Variants in ATP8B1 observed in about 807,000 individuals in gnomAD.
ATP8B1 encodes ATPase phospholipid transporting 8B1.
A neutral mutation model predicts 149.9 loss-of-function variants in ATP8B1; 80 were observed. The observed-to-expected ratio is 0.53, with a 90% confidence interval of 0.45 to 0.64. ATP8B1 has a LOEUF of 0.64. Ranked by LOEUF, ATP8B1 falls within the 30% of genes least tolerant of loss-of-function variation. The pLI, the probability that ATP8B1 is intolerant of heterozygous loss-of-function variation, is 0.00. For missense variants in ATP8B1, 1,247 were observed against 1,552.6 expected, an observed-to-expected ratio of 0.80 and a Z score of 3.31; for synonymous variants, 536 against 562.8, an observed-to-expected ratio of 0.95 and a Z score of 0.67.
intron 1 of ATP8B1, among the ~76,000 whole-genome samples, chr18:57,763,891 G>A (rs538091201): frequency 4.6e-5 from 7 of 152,172 alleles, no homozygotes; most frequent in Middle Eastern, 3.4e-3. Flanking sequence ...GTTCCTGCAC[G>A]GGGCTTTCCT....
Position 57,662,579 on chromosome 18 carries a change from A to C in ATP8B1, c.2322T>G (p.Asn774Lys). The C allele has an allele frequency of 1.9e-6, 3 of 1,614,168 alleles. No individual in the cohort carries two copies. The highest frequency in any genetic ancestry group is 1.1e-5 in the South Asian group (1 of 91,080). Residue 774 changes from asparagine (N) to lysine (K), a missense_variant, in exon 21 of 28, where the codon AAT (asparagine) becomes AAG (lysine). Transcript: ENST00000648908. ...CAAACTTTGCGTAGACGCCACCTCT[A>C]TTCCTCTGGTTTTCCATCCTTGCAT... The part of the protein sequence containing the change: ...LLHARMENQR[N>K]RGGVYAKFAP...
At chr18:57,789,670 G>A (rs1368139938) in intron 1 of ATP8B1, among the ~76,000 whole-genome samples, 3 of 152,308 alleles carry the variant, frequency 2.0e-5, no homozygotes, top group Middle Eastern at 6.8e-3. Context: ...TTTGAGCCAT[G>A]TATGGTGGTC....
chr18:57,661,321 C>T lies in ATP8B1; in HGVS notation c.2560G>A (p.Val854Met). ...AKKEQRQKNF[V>M]DLACECSAVI... ...GCGCTGCACTCGCAGGCCAGGTCCA[C>T]AAAGTTTTTCTGCCGCTGCTCTTTC... is the stretch of plus-strand genomic sequence containing the variant. The change falls in exon 22 of 28, where the codon GTG becomes ATG. Residue 854 changes from valine to methionine, a missense_variant. By Grantham distance (21) the Val-to-Met change is conservative. This residue lies in a region of ATP8B1 where 853 missense variants were observed against 1,035.7 expected (regional missense o/e 0.82). Transcript: ENST00000648908. The T allele has an allele frequency of 1.9e-6, 3 of 1,614,038 alleles. No individual in the cohort carries two copies. Among genetic ancestry groups the T allele is most frequent in the Middle Eastern group, 1.6e-4 (1 of 6,062 alleles).
At chr18:57,785,964 A>G (rs538570012) in intron 1 of ATP8B1, among the ~76,000 whole-genome samples, 1 of 152,324 alleles carries the variant, frequency 6.6e-6, no homozygotes, top group African/African-American at 2.4e-5. Flanking sequence ...CACTATAAAA[A>G]CAGCCAACAA....
At chr18:57,707,220 C>T (rs936487196) in intron 2 of ATP8B1, among the ~76,000 whole-genome samples, 3 of 152,124 alleles carry the variant, frequency 2.0e-5, no homozygotes, top group South Asian at 4.2e-4. Context: ...TGTTTGAACC[C>T]GGGAGGTGGA....
rs1568189181 is a variant in ATP8B1, at chr18:57,672,903, T to TAAAAC, written c.1820-1324_1820-1323insGTTTT. Among the ~76,000 whole-genome samples, 10 of 56,056 alleles carry TAAAAC rather than the reference T, an allele frequency of 1.8e-4. 1 individual carries two copies. The highest frequency in any genetic ancestry group is 5.8e-4 in the East Asian group (1 of 1,718). The allele number at this position is 56,056 out of a possible 152,430, so 36.8% of individuals were successfully genotyped here. A position where few individuals can be genotyped will look rare whatever the true frequency, so the allele number is the denominator to read the frequency against. ...AAAAAAAAGTATATATATATATATA[T>TAAAAC]ATATATATATATATATATATATATA... On this transcript the variant is annotated intron_variant, in intron 16 of 27. Transcript: ENST00000648908.
chr18:57,785,781 C>T (rs914059569), intron 1 of ATP8B1, among the ~76,000 whole-genome samples: 1 of 152,228 alleles, frequency 6.6e-6, no homozygotes, highest in South Asian at 2.1e-4. Context: ...GTTGGGATTA[C>T]AGGCATGAGC....
chr18:57,729,714 C>G (rs2079742292), intron 2 of ATP8B1, among the ~76,000 whole-genome samples: 1 of 151,958 alleles, frequency 6.6e-6, no homozygotes, highest in Admixed American at 6.6e-5. Context: ...CCACGCCTGG[C>G]TAATTTTTGT....
At chr18:57,732,125 A>ATGTATATATATATATGTATG (rs2079773807) in intron 1 of ATP8B1, 1 of 16,950 alleles carries the variant, frequency 5.9e-5, no homozygotes, top group African/African-American at 2.4e-4. Context: ...ATGTATATAT[A>ATGTATATATATATATGTATG]TGTGTATATG....
At chr18:57,661,151 C>G in intron 22 of ATP8B1, 23 bp downstream of exon 22, 1 of 1,611,782 alleles carries the variant, frequency 6.2e-7, no homozygotes, top group South Asian at 1.1e-5. Flanking sequence ...TTGGGCCTCA[C>G]TGGCCGTGGG....
intron 1 of ATP8B1, among the ~76,000 whole-genome samples, chr18:57,746,384 A>G (rs1599186441): frequency 6.6e-6 from 1 of 152,002 alleles, no homozygotes; most frequent in Non-Finnish European, 1.5e-5. Context: ...TTTGTCCCCA[A>G]ATCTCTTACG....
At chr18:57,777,903 G>C (rs116799792) in intron 1 of ATP8B1, among the ~76,000 whole-genome samples, 1,801 of 152,226 alleles carry the variant, frequency 0.012, 35 homozygotes, top group African/African-American at 0.042. Flanking sequence ...TGTACCTTTC[G>C]AAGGTTGTAC....
intron 6 of ATP8B1, among the ~76,000 whole-genome samples, chr18:57,699,502 C>T (rs1424737589): frequency 6.6e-6 from 1 of 151,884 alleles, no homozygotes; most frequent in Non-Finnish European, 1.5e-5. Flanking sequence ...TTTGGGAGGC[C>T]GAGGTGAGTG....
chr18:57,660,292 T>C (rs1323726193), intron 22 of ATP8B1, among the ~76,000 whole-genome samples: 1 of 151,678 alleles, frequency 6.6e-6, no homozygotes, highest in Non-Finnish European at 1.5e-5. Context: ...TCTAGGGAGG[T>C]GAGGAGGATG....
intron 15 of ATP8B1, among the ~76,000 whole-genome samples, chr18:57,683,650 C>G (rs1361422831): frequency 6.6e-6 from 1 of 152,190 alleles, no homozygotes; most frequent in Non-Finnish European, 1.5e-5. Flanking sequence ...AAAGATTAGT[C>G]AAGTTCAAAG....
chr18:57,717,044 G>A (rs1394496076), intron 2 of ATP8B1, among the ~76,000 whole-genome samples: 1 of 152,030 alleles, frequency 6.6e-6, no homozygotes, highest in East Asian at 1.9e-4. Flanking sequence ...CAAAAACATG[G>A]AAATTAAACA....
chr18:57,774,256 C>T (rs955561475), intron 1 of ATP8B1, among the ~76,000 whole-genome samples: 1 of 152,196 alleles, frequency 6.6e-6, no homozygotes. Context: ...TGCCAGTCCC[C>T]CTTCTTTACA....
At chr18:57,670,027 T>C (rs530371529) in intron 17 of ATP8B1, among the ~76,000 whole-genome samples, 1 of 152,342 alleles carries the variant, frequency 6.6e-6, no homozygotes, top group East Asian at 1.9e-4. Flanking sequence ...GGGAAAAGCT[T>C]ACCTTTCTTC....
At chr18:57,655,793 A>G (rs1402586468) in intron 22 of ATP8B1, among the ~76,000 whole-genome samples, 1 of 152,220 alleles carries the variant, frequency 6.6e-6, no homozygotes, top group Non-Finnish European at 1.5e-5. Flanking sequence ...TCATGGGCAG[A>G]TATGTAATTT....
Sources: allele counts gnomAD v4.1 joint callset (sites outside exome capture counted in the v4.1 genomes callset), GRCh38; gene constraint gnomAD v4.1.1; regional missense constraint gnomAD v4.1.1; transcripts MANE v1.5; gene names NCBI Gene and HGNC (gene_info 2026-07-23, HGNC 2026-07-21).